The following RAB3GAP1 variants were observed in gnomAD, a reference collection of about 807,000 sequenced individuals.
RAB3GAP1 encodes the protein rab3 GTPase-activating protein catalytic subunit.
In RAB3GAP1, 86 loss-of-function variants were observed where a neutral mutation model predicts 130.7. The ratio of observed to expected loss-of-function variants is 0.66; its 90% CI spans 0.55 to 0.79. The LOEUF (loss-of-function observed/expected upper bound fraction) is 0.79. Among genes scored for constraint, RAB3GAP1 ranks in the 30% least tolerant of loss-of-function variants. RAB3GAP1 has a pLI of 0.00. For synonymous variants in RAB3GAP1, 367 were observed against 401.7 expected (o/e 0.91, Z 1.03); for missense variants, 1,029 against 1,169.4 (o/e 0.88, Z 1.75).
intron 3 of RAB3GAP1, among the ~76,000 whole-genome samples, chr2:135,082,800 A>G (rs1354081265): frequency 6.6e-6 from 1 of 151,878 alleles, no homozygotes; most frequent in Non-Finnish European, 1.5e-5. Context: ...CAGGTTTGTC[A>G]TATTGTAACA....
intron 5 of RAB3GAP1, among the ~76,000 whole-genome samples, chr2:135,105,625 T>C (rs917612972): frequency 1.3e-5 from 2 of 152,104 alleles, no homozygotes; most frequent in Non-Finnish European, 2.9e-5. Flanking sequence ...CCCAAAGTGC[T>C]GAGATAGCAG....
chr2:135,144,824 G>A (rs996166967), intron 17 of RAB3GAP1, among the ~76,000 whole-genome samples: 1 of 152,098 alleles, frequency 6.6e-6, no homozygotes, highest in African/African-American at 2.4e-5. Context: ...AAAGAAAATG[G>A]TTCTTGTGTT....
intron 18 of RAB3GAP1, among the ~76,000 whole-genome samples, chr2:135,153,370 TA>T (rs1340124092): frequency 1.3e-5 from 2 of 152,210 alleles, no homozygotes; most frequent in Admixed American, 1.3e-4. Flanking sequence ...ATATAACACA[TA>T]ATGTGTTTAA....
chr2:135,067,686 G>A (rs1478980559), intron 3 of RAB3GAP1, among the ~76,000 whole-genome samples: 1 of 152,198 alleles, frequency 6.6e-6, no homozygotes, highest in African/African-American at 2.4e-5. Context: ...TGCTGTCTCA[G>A]TTACTGTTAG....
intron 5 of RAB3GAP1, among the ~76,000 whole-genome samples, chr2:135,105,304 G>A (rs1018825524): frequency 6.8e-6 from 1 of 147,554 alleles, no homozygotes. Flanking sequence ...CTGTACTGCC[G>A]CCATCTCGGC....
At chr2:135,131,273 C>A (rs1691531029) in intron 13 of RAB3GAP1, among the ~76,000 whole-genome samples, 2 of 152,186 alleles carry the variant, frequency 1.3e-5, no homozygotes, top group African/African-American at 4.8e-5. Flanking sequence ...GTCACCCAGA[C>A]TGGAGTGCAG....
chr2:135,166,441 T>G (rs2105004577), intron 23 of RAB3GAP1, among the ~76,000 whole-genome samples: 1 of 152,276 alleles, frequency 6.6e-6, no homozygotes, highest in Middle Eastern at 3.4e-3. Flanking sequence ...CTTGAACTCC[T>G]AGGTTTAAGC....
intron 3 of RAB3GAP1, among the ~76,000 whole-genome samples, chr2:135,089,282 T>C (rs1690072867): frequency 1.3e-5 from 2 of 152,118 alleles, no homozygotes. Context: ...CATGCTGTTT[T>C]GGTTACTGTA....
At chr2:135,127,915 C>T (rs1691404946) in intron 11 of RAB3GAP1, among the ~76,000 whole-genome samples, 1 of 152,182 alleles carries the variant, frequency 6.6e-6, no homozygotes, top group African/African-American at 2.4e-5. Flanking sequence ...CCCATCTCCT[C>T]AGTGTGCCTT....
chr2:135,118,582 A>G (rs1691097894), intron 7 of RAB3GAP1, among the ~76,000 whole-genome samples: 1 of 151,858 alleles, frequency 6.6e-6, no homozygotes, highest in Non-Finnish European at 1.5e-5. Flanking sequence ...ATGTTTTGGG[A>G]AATTTAGTTT....
chr2:135,097,759 A>G (rs1690341073), intron 5 of RAB3GAP1, among the ~76,000 whole-genome samples: 1 of 152,210 alleles, frequency 6.6e-6, no homozygotes, highest in Non-Finnish European at 1.5e-5. Context: ...TTGTAAGGAT[A>G]TACCAAGCTG....
chr2:135,126,153 G>A (rs1691340381), intron 9 of RAB3GAP1, 28 bp from the exon 10 acceptor site: 2 of 1,541,532 alleles, frequency 1.3e-6, no homozygotes, highest in Middle Eastern at 1.7e-4. Context: ...CAGTATTAAA[G>A]CTTTTGGGTA....
intron 6 of RAB3GAP1, 51 bp downstream of exon 6, chr2:135,113,321 A>G: frequency 6.3e-7 from 1 of 1,594,146 alleles, no homozygotes; most frequent in African/African-American, 1.3e-5. Context: ...TTTAACAATA[A>G]TTTATGAAGG....
intron 4 of RAB3GAP1, among the ~76,000 whole-genome samples, chr2:135,092,838 G>T (rs181947918): frequency 2.0e-4 from 30 of 152,292 alleles, no homozygotes; most frequent in African/African-American, 7.0e-4. Context: ...GTAACTTATG[G>T]TGGGAGTTAC....
At chr2:135,124,750 C>T (rs932021789) in intron 9 of RAB3GAP1, among the ~76,000 whole-genome samples, 3 of 152,196 alleles carry the variant, frequency 2.0e-5, no homozygotes, top group Non-Finnish European at 2.9e-5. Context: ...TCATCTATAA[C>T]TCAGCAAACT....
chr2:135,117,186 G>GATA (rs1359424423), intron 7 of RAB3GAP1, among the ~76,000 whole-genome samples: 7 of 152,130 alleles, frequency 4.6e-5, no homozygotes, highest in African/African-American at 1.7e-4. Flanking sequence ...TTCTATTTTA[G>GATA]AGAATTCCGT....
At chr2:135,108,754 G>T (rs539601681) in intron 5 of RAB3GAP1, among the ~76,000 whole-genome samples, 1 of 152,168 alleles carries the variant, frequency 6.6e-6, no homozygotes, top group African/African-American at 2.4e-5. Flanking sequence ...GCATCTAAAA[G>T]GTCATCAACA....
At chr2:135,151,974 G>A (rs1182167002) in intron 18 of RAB3GAP1, among the ~76,000 whole-genome samples, 1 of 152,208 alleles carries the variant, frequency 6.6e-6, no homozygotes, top group African/African-American at 2.4e-5. Context: ...CAGCAAAACT[G>A]TGATTCATTA....
chr2:135,133,468 A>G (rs1247730659), intron 14 of RAB3GAP1, among the ~76,000 whole-genome samples: 1 of 152,144 alleles, frequency 6.6e-6, no homozygotes, highest in Non-Finnish European at 1.5e-5. Context: ...AGATTTGATG[A>G]GGTGAGAGAA....
Sources: allele counts gnomAD v4.1 joint callset (sites outside exome capture counted in the v4.1 genomes callset), GRCh38; gene constraint gnomAD v4.1.1; transcripts MANE v1.5; gene names NCBI Gene and HGNC (gene_info 2026-07-23, HGNC 2026-07-21).